The following PTPN21 variants were observed in gnomAD, a reference collection of about 807,000 sequenced individuals.
PTPN21 encodes tyrosine-protein phosphatase non-receptor type 21.
In PTPN21, 77 loss-of-function variants were observed where a neutral mutation model predicts 131.8. That is an observed-to-expected ratio of 0.58 (90% CI 0.49 to 0.71). PTPN21 has a LOEUF of 0.71. Among genes scored for constraint, PTPN21 ranks in the 30% least tolerant of loss-of-function variants. The pLI, the probability that PTPN21 is intolerant of heterozygous loss-of-function variation, is 0.00. For missense variants in PTPN21, 1,552 were observed against 1,527.1 expected (o/e 1.02, Z -0.27); for synonymous variants, 715 against 621.3 (o/e 1.15, Z -2.24).
chr14:88,552,697 G>A (rs1315070399), intron 1 of PTPN21, among the ~76,000 whole-genome samples: 1 of 152,146 alleles, frequency 6.6e-6, no homozygotes, highest in Non-Finnish European at 1.5e-5. Flanking sequence ...TACTATGGAG[G>A]GAAACAGAAA....
At chr14:88,494,394 A>G (rs1315330212) in intron 10 of PTPN21, among the ~76,000 whole-genome samples, 3 of 152,226 alleles carry the variant, frequency 2.0e-5, no homozygotes, top group Non-Finnish European at 4.4e-5. Context: ...AAATGGGGCC[A>G]GGCCTGGTGG....
rs186897816 is a variant in PTPN21 at position 88,475,267 on chromosome 14, C to A, written c.2512-1465G>T. Among the ~76,000 whole-genome samples the A allele has an allele frequency of 8.7e-4, 133 of 152,206 alleles. 1 individual carries two copies. The highest frequency in any genetic ancestry group is 2.9e-3 in the African/African-American group (121 of 41,528). ...AAGCCCCATGATAATGGTGCAAGAA[C>A]AGAGGGAAAAGGCAACTTGGTGAGA... On this transcript the variant is annotated intron_variant, in intron 13 of 18. Transcript: ENST00000556564.
chr14:88,538,414 G>A (rs2078659514), intron 2 of PTPN21, among the ~76,000 whole-genome samples: 1 of 152,136 alleles, frequency 6.6e-6, no homozygotes, highest in Non-Finnish European at 1.5e-5. Context: ...CTCTGCCAGG[G>A]AACAAGCTCA....
chr14:88,528,036 T>C (rs2078505353), intron 2 of PTPN21, among the ~76,000 whole-genome samples: 2 of 152,168 alleles, frequency 1.3e-5, no homozygotes, highest in Admixed American at 6.6e-5. Context: ...TACCATGCTG[T>C]TTTGGTAACT....
rs1284660126 is a variant in PTPN21 at position 88,479,809 on chromosome 14, T to A, written c.1622A>T (p.Glu541Val). 6.5e-7 allele frequency: 1 copy of A among 1,547,584 alleles called. No homozygotes were observed. Among genetic ancestry groups the A allele is most frequent in the South Asian group, 1.2e-5 (1 of 81,452 alleles). The change falls in exon 13 of 19, where the codon GAG (glutamate) becomes GTG (valine). Residue 541 changes from glutamate to valine, a missense_variant. Glu to Val is a moderately radical substitution (Grantham distance 121). This residue lies in a region of PTPN21 where 1,016 missense variants were observed against 883.5 expected (regional missense o/e 1.15). Coordinates refer to ENST00000556564, the MANE Select transcript of PTPN21 (RefSeq NM_007039.4). The part of the protein sequence containing the change: ...RPVVGAVSVP[E>V]LTNAQLQAQD... ...CGCCTGCAGCTGCGCATTGGTCAGC[T>A]CCGGCACGCTGACCGCGCCCACCAC...
chr14:88,490,201 G>A (rs1310257424), intron 10 of PTPN21, among the ~76,000 whole-genome samples: 2 of 151,974 alleles, frequency 1.3e-5, no homozygotes, highest in Non-Finnish European at 2.9e-5. Flanking sequence ...TAGAGACGGG[G>A]TTTCACCTTG....
chr14:88,502,337 C>G (rs551223771), intron 6 of PTPN21, among the ~76,000 whole-genome samples: 2 of 152,288 alleles, frequency 1.3e-5, no homozygotes, highest in Admixed American at 1.3e-4. Flanking sequence ...TGGACCTGGC[C>G]AATCCCTAAT....
intron 2 of PTPN21, among the ~76,000 whole-genome samples, chr14:88,531,918 G>A (rs1269518933): frequency 1.3e-5 from 2 of 152,100 alleles, no homozygotes; most frequent in Non-Finnish European, 2.9e-5. Context: ...TGAACTGGGA[G>A]ATATTACAAC....
At position 88,467,139 on chromosome 14, in the gene PTPN21, A is replaced by G. The variant is rs2077376940; in HGVS notation, c.*998T>C. On this transcript the variant is annotated 3_prime_UTR_variant, in exon 19 of 19. Coordinates refer to ENST00000556564, the MANE Select transcript of PTPN21 (RefSeq NM_007039.4). ...AAGACGAAGGCATCCTGCATTTACC[A>G]TCACACTCCACCTACTCTTGTCCTA... 1 of 152,172 alleles carries G rather than the reference A, an allele frequency of 6.6e-6. No homozygotes were observed. The highest frequency in any genetic ancestry group is 1.5e-5 in the Non-Finnish European group (1 of 68,058). 9.4% of individuals were successfully genotyped at this position (152,172 alleles called of 1,614,324 possible). A position where few individuals can be genotyped will look rare whatever the true frequency, so the allele number is the denominator to read the frequency against.
At chr14:88,508,278 T>C (rs2078127714) in intron 3 of PTPN21, among the ~76,000 whole-genome samples, 1 of 151,942 alleles carries the variant, frequency 6.6e-6, no homozygotes, top group Non-Finnish European at 1.5e-5. Flanking sequence ...GCCTCCTGAG[T>C]AGCTGGGACT....
intron 2 of PTPN21, among the ~76,000 whole-genome samples, chr14:88,550,006 G>A (rs1445101641): frequency 2.0e-5 from 3 of 152,018 alleles, no homozygotes; most frequent in Non-Finnish European, 4.4e-5. Flanking sequence ...GGCTGGTCTC[G>A]AACTCCTGAC....
intron 2 of PTPN21, chr14:88,547,471 G>C: frequency 3.4e-6 from 1 of 293,580 alleles, no homozygotes; most frequent in Non-Finnish European, 6.7e-6. Flanking sequence ...GACATAGCAA[G>C]ACTCCATCTC....
Position 88,485,830 on chromosome 14 carries a change from A to G in PTPN21, c.945T>C (p.Thr315=), listed in dbSNP as rs750238215. Reference sequence around the variant, plus strand: ...TCCTCCTGATTGGGTTCACTGTGACAGTCTGAGTTTGCCTATAAAATAGGA... The same window carrying G: ...TCCTCCTGATTGGGTTCACTGTGACGGTCTGAGTTTGCCTATAAAATAGGA... The part of the protein sequence containing the change: ...RLNQCNLQTQ[T]VTVNPIRRRS... The change falls in exon 11 of 19, where the codon ACT becomes ACC. Residue 315 remains threonine, a synonymous_variant. Coordinates refer to ENST00000556564, the MANE Select transcript of PTPN21 (RefSeq NM_007039.4). 1.7e-5 allele frequency: 28 copies of G among 1,606,962 alleles called. No individual in the cohort carries two copies. Among genetic ancestry groups the G allele is most frequent in the Non-Finnish European group, 2.2e-5 (26 of 1,174,312 alleles).
chr14:88,550,315 C>T lies in PTPN21; in HGVS notation c.103G>A (p.Val35Met), dbSNP rs753104878. The change falls in exon 2 of 19, where the codon GTG (valine) becomes ATG (methionine). Residue 35 changes from valine (V) to methionine (M), a missense_variant. Physicochemically the swap from Val to Met is conservative, Grantham distance 21. This residue lies in a region of PTPN21 where 206 missense variants were observed against 221.6 expected (regional missense o/e 0.93). Coordinates refer to ENST00000556564, the MANE Select transcript of PTPN21 (RefSeq NM_007039.4). ...CTCTCCACGGACAGGGTGAACTCCA[C>T]AAACTCGTTATTAAGCAGTTGGATC... ...ARIQLLNNEF[V>M]EFTLSVESTG... is the part of the protein sequence containing the mutation. 19 of 1,614,132 alleles carry T rather than the reference C, an allele frequency of 1.2e-5. No individual in the cohort carries two copies. The highest frequency in any genetic ancestry group is 1.6e-5 in the Non-Finnish European group (19 of 1,180,052).
rs10586298 is a variant in PTPN21 at position 88,483,212 on chromosome 14, C to CA, written c.1078+1863dup. Among the ~76,000 whole-genome samples the CA allele has an allele frequency of 7.6e-3, 729 of 95,496 alleles. 5 individuals are homozygous for CA. The highest frequency in any genetic ancestry group is 0.017 in the African/African-American group (480 of 28,456). The allele number at this position is 95,496 out of a possible 152,430, so 62.6% of individuals were successfully genotyped here. A position where few individuals can be genotyped will look rare whatever the true frequency, so the allele number is the denominator to read the frequency against. On this transcript the variant is annotated intron_variant, in intron 12 of 18. Coordinates refer to ENST00000556564, the MANE Select transcript of PTPN21 (RefSeq NM_007039.4). ...GGGCAACAGAGTGAGACTCCGTCTC[C>CA]AAAAAAAAAAAAAAAAAAGTCAGTG...
chr14:88,539,031 A>G (rs1406294805), intron 2 of PTPN21, among the ~76,000 whole-genome samples: 2 of 152,002 alleles, frequency 1.3e-5, no homozygotes, highest in African/African-American at 4.8e-5. Flanking sequence ...GAGATCCTAC[A>G]CTTAAATACT....
intron 10 of PTPN21, among the ~76,000 whole-genome samples, chr14:88,496,106 C>A (rs1406196401): frequency 6.6e-6 from 1 of 152,166 alleles, no homozygotes; most frequent in Non-Finnish European, 1.5e-5. Context: ...CTTCAGATAG[C>A]TGGAAAAGCT....
Position 88,468,274 on chromosome 14 carries a change from A to C in PTPN21, c.3397-9T>G. 3 of 1,589,274 alleles carry C rather than the reference A, an allele frequency of 1.9e-6. No homozygotes were observed. Among genetic ancestry groups the C allele is most frequent in the Non-Finnish European group, 2.6e-6 (3 of 1,168,832 alleles). ...CTCGGGATGTCCAGCACCTAGGTTG[A>C]GAGAAACGGTAATGAAGATAATGTG... On this transcript the variant is annotated splice_polypyrimidine_tract_variant and intron_variant, in intron 18 of 18. Coordinates refer to ENST00000556564, the MANE Select transcript of PTPN21 (RefSeq NM_007039.4).
At chr14:88,475,407 C>A (rs974164110) in intron 13 of PTPN21, among the ~76,000 whole-genome samples, 2 of 152,128 alleles carry the variant, frequency 1.3e-5, no homozygotes, top group African/African-American at 4.8e-5. Flanking sequence ...ATCATGAGCT[C>A]CCCACATAAT....
Sources: gnomAD v4.1 joint callset for allele counts (sites outside exome capture counted in the v4.1 genomes callset) on GRCh38, gnomAD v4.1.1 for gene constraint, gnomAD v4.1.1 regional missense constraint, MANE v1.5 for transcripts, NCBI Gene and HGNC (gene_info 2026-07-23, HGNC 2026-07-21) for gene names.